MIPEP: variants seen among roughly 807,000 people sequenced by gnomAD.
MIPEP encodes the protein mitochondrial intermediate peptidase.
Under a neutral mutation model 90.3 loss-of-function variants are expected in MIPEP, and 79 were observed. That is an observed-to-expected ratio of 0.87 (90% CI 0.73 to 1.05). The LOEUF (loss-of-function observed/expected upper bound fraction) is 1.05, where lower values mean the gene tolerates loss of function less well. Among genes scored for constraint, MIPEP ranks in the 50% least tolerant of loss-of-function variants. The pLI is 0.00. For synonymous variants in MIPEP, 334 were observed against 315.8 expected (o/e 1.06, Z -0.61); for missense variants, 940 against 905.6 (o/e 1.04, Z -0.49).
At chr13:23,780,556 T>C (rs1952770423) in intron 16 of MIPEP, among the ~76,000 whole-genome samples, 1 of 152,072 alleles carries the variant, frequency 6.6e-6, no homozygotes. Context: ...CCTCTCCCCC[T>C]CCAAAGGAAC....
At chr13:23,822,910 G>C (rs1448374055) in intron 14 of MIPEP, among the ~76,000 whole-genome samples, 2 of 151,048 alleles carry the variant, frequency 1.3e-5, no homozygotes, top group Non-Finnish European at 2.9e-5. Flanking sequence ...TTTTGAGACA[G>C]AGTCTTGCTC....
intron 15 of MIPEP, among the ~76,000 whole-genome samples, chr13:23,806,547 A>G (rs982484194): frequency 2.6e-5 from 4 of 152,046 alleles, no homozygotes; most frequent in East Asian, 1.9e-4. Flanking sequence ...GCGTGGTGGC[A>G]GGCACCTCTA....
At chr13:23,825,311 T>C (rs1348925583) in intron 14 of MIPEP, among the ~76,000 whole-genome samples, 1 of 152,234 alleles carries the variant, frequency 6.6e-6, no homozygotes, top group African/African-American at 2.4e-5. Flanking sequence ...TGCACTGTCA[T>C]GTTTACCTTC....
intron 9 of MIPEP, 37 bp from the exon 10 acceptor site, chr13:23,858,949 G>T: frequency 1.3e-6 from 2 of 1,575,300 alleles, no homozygotes; most frequent in Non-Finnish European, 1.7e-6. Context: ...GAAAGCTACT[G>T]ACTCTTTCAT....
chr13:23,841,431 T>G lies in MIPEP; in HGVS notation c.1164A>C (p.Glu388Asp). 3 of 1,613,974 alleles carry G rather than the reference T, an allele frequency of 1.9e-6. No individual in the cohort carries two copies. Among genetic ancestry groups the G allele is most frequent in the Non-Finnish European group, 2.5e-6 (3 of 1,179,876 alleles). The change falls in exon 11 of 19, where the codon GAA (glutamate) becomes GAC (aspartate). Residue 388 changes from glutamate to aspartate, a missense_variant. Physicochemically the swap from Glu to Asp is conservative, Grantham distance 45. Transcript: ENST00000382172. ...CPFFSLGACMEGLNILLNRLL... is the reference protein window; with the variant it reads ...CPFFSLGACMDGLNILLNRLL... ...GTCTGTTAAGCAAAATATTCAGGCC[T>G]TCCATGCATGCTCCAAGAGAGAAAA...
At chr13:23,732,484 T>C (rs1032464852) in intron 18 of MIPEP, among the ~76,000 whole-genome samples, 1 of 152,190 alleles carries the variant, frequency 6.6e-6, no homozygotes, top group African/African-American at 2.4e-5. Context: ...AAGAAACAAC[T>C]TGTACAACCC....
intron 5 of MIPEP, among the ~76,000 whole-genome samples, chr13:23,874,487 C>G (rs928083529): frequency 6.6e-6 from 1 of 152,202 alleles, no homozygotes; most frequent in Non-Finnish European, 1.5e-5. Context: ...AATAAATACA[C>G]TTATGTAAGG....
intron 16 of MIPEP, among the ~76,000 whole-genome samples, chr13:23,763,548 T>A (rs1593139925): frequency 6.6e-6 from 1 of 152,280 alleles, no homozygotes; most frequent in East Asian, 1.9e-4. Flanking sequence ...CCCACTTCAA[T>A]AGTGGCATTT....
intron 16 of MIPEP, among the ~76,000 whole-genome samples, chr13:23,785,817 G>C (rs991745413): frequency 6.7e-6 from 1 of 149,898 alleles, no homozygotes; most frequent in African/African-American, 2.5e-5. Flanking sequence ...GCCTGGGCAA[G>C]AACATCTGAG....
intron 1 of MIPEP, chr13:23,888,206 C>T (rs866894076): frequency 1.1e-5 from 4 of 375,588 alleles, no homozygotes; most frequent in South Asian, 8.3e-5. Context: ...TAGGTCTCTT[C>T]ACACCAACTA....
chr13:23,872,832 A>T (rs1282832304), intron 5 of MIPEP, among the ~76,000 whole-genome samples: 2 of 152,212 alleles, frequency 1.3e-5, no homozygotes, highest in Non-Finnish European at 2.9e-5. Flanking sequence ...ATACATTAAA[A>T]CTATTCACAT....
chr13:23,809,930 T>C lies in MIPEP; in HGVS notation c.1654-6A>G, dbSNP rs1566001574. ...ACCATATTTTTTGGCAGTGGCTTGA[T>C]AAAACAAAAGAATATATATGTGAGT... On this transcript the variant is annotated splice_polypyrimidine_tract_variant and splice_region_variant and intron_variant, in intron 14 of 18. Transcript: ENST00000382172. 6.2e-7 allele frequency: 1 copy of C among 1,605,516 alleles called. No homozygotes were observed. Among genetic ancestry groups the C allele is most frequent in the South Asian group, 1.1e-5 (1 of 90,826 alleles).
chr13:23,791,873 A>T (rs1035531011), intron 16 of MIPEP, among the ~76,000 whole-genome samples: 2 of 152,070 alleles, frequency 1.3e-5, no homozygotes, highest in African/African-American at 4.8e-5. Flanking sequence ...CCCACCAACC[A>T]CTCAACTGAT....
At chr13:23,858,401 T>A (rs1475191595) in intron 10 of MIPEP, among the ~76,000 whole-genome samples, 2 of 142,218 alleles carry the variant, frequency 1.4e-5, no homozygotes, top group East Asian at 2.1e-4. Context: ...AATATATGTG[T>A]CCAAATAAAA....
intron 16 of MIPEP, among the ~76,000 whole-genome samples, chr13:23,798,348 T>C (rs1593160093): frequency 6.6e-6 from 1 of 152,318 alleles, no homozygotes; most frequent in South Asian, 2.1e-4. Flanking sequence ...ATAATTAGAC[T>C]TAATAGAAAT....
chr13:23,873,015 CACA>C (rs1168316483), intron 5 of MIPEP, among the ~76,000 whole-genome samples: 1 of 152,168 alleles, frequency 6.6e-6, no homozygotes, highest in African/African-American at 2.4e-5. Flanking sequence ...AGATAAGCAA[CACA>C]ACAATAACAG....
chr13:23,882,854 C>T (rs979436690), intron 2 of MIPEP, among the ~76,000 whole-genome samples: 3 of 151,686 alleles, frequency 2.0e-5, no homozygotes, highest in Non-Finnish European at 4.4e-5. Context: ...TGTAAATTTA[C>T]AACATTTTTT....
chr13:23,750,475 C>T (rs571466493), intron 18 of MIPEP, among the ~76,000 whole-genome samples: 1 of 152,166 alleles, frequency 6.6e-6, no homozygotes, highest in Non-Finnish European at 1.5e-5. Context: ...GTGTGTCTGG[C>T]ATTTTTCTCA....
At chr13:23,817,724 G>A (rs1953257374) in intron 14 of MIPEP, among the ~76,000 whole-genome samples, 1 of 152,062 alleles carries the variant, frequency 6.6e-6, no homozygotes, top group Non-Finnish European at 1.5e-5. Flanking sequence ...ATTTGTTTGT[G>A]TACCCCTCAA....
Sources: allele counts gnomAD v4.1 joint callset (sites outside exome capture counted in the v4.1 genomes callset), GRCh38; gene constraint gnomAD v4.1.1; transcripts MANE v1.5; gene names NCBI Gene and HGNC (gene_info 2026-07-23, HGNC 2026-07-21).